Variants in FSTL5 observed in about 807,000 individuals in gnomAD.
The protein encoded by FSTL5 is follistatin like 5.
A neutral mutation model predicts 89.1 loss-of-function variants in FSTL5; 62 were observed. The ratio of observed to expected loss-of-function variants is 0.70; its 90% CI spans 0.57 to 0.86. The LOEUF (loss-of-function observed/expected upper bound fraction) is 0.86, where lower values mean the gene tolerates loss of function less well. Among genes scored for constraint, FSTL5 ranks in the 40% least tolerant of loss-of-function variants. The pLI, the probability that FSTL5 is intolerant of heterozygous loss-of-function variation, is 0.00. For missense variants in FSTL5, 1,057 were observed against 1,001.6 expected (o/e 1.06, Z -0.75); for synonymous variants, 383 against 346.2 (o/e 1.11, Z -1.18).
At chr4:161,638,801 T>C (rs1735831572) in intron 7 of FSTL5, among the ~76,000 whole-genome samples, 1 of 133,232 alleles carries the variant, frequency 7.5e-6, no homozygotes, top group Admixed American at 8.1e-5. Context: ...TTATCCACCA[T>C]GATCAAGTGG....
chr4:161,680,214 T>C (rs1737469257), intron 6 of FSTL5, among the ~76,000 whole-genome samples: 1 of 151,852 alleles, frequency 6.6e-6, no homozygotes, highest in Non-Finnish European at 1.5e-5. Flanking sequence ...TGCTTTTAAA[T>C]TGAAATTATT....
At chr4:161,828,043 C>A (rs1037153597) in intron 4 of FSTL5, among the ~76,000 whole-genome samples, 1 of 152,084 alleles carries the variant, frequency 6.6e-6, no homozygotes, top group Admixed American at 6.5e-5. Flanking sequence ...GGACTTTTCC[C>A]GGTTCCTCTG....
At chr4:162,046,664 T>C (rs1738193879) in intron 2 of FSTL5, among the ~76,000 whole-genome samples, 2 of 152,166 alleles carry the variant, frequency 1.3e-5, no homozygotes, top group African/African-American at 4.8e-5. Flanking sequence ...ATTTTCAGTG[T>C]ATTTTTAGAG....
intron 2 of FSTL5, among the ~76,000 whole-genome samples, chr4:162,091,003 C>T (rs889029543): frequency 2.6e-5 from 4 of 152,128 alleles, no homozygotes; most frequent in African/African-American, 7.2e-5. Context: ...GAGTCACTGC[C>T]TCTGCCTTCT....
intron 2 of FSTL5, among the ~76,000 whole-genome samples, chr4:162,094,474 T>A (rs542343848): frequency 1.3e-5 from 2 of 152,184 alleles, no homozygotes; most frequent in East Asian, 1.9e-4. Flanking sequence ...CAAATTTCCA[T>A]CAATAGTAGA....
chr4:161,470,440 T>C (rs1351100979), intron 13 of FSTL5, among the ~76,000 whole-genome samples: 1 of 152,208 alleles, frequency 6.6e-6, no homozygotes, highest in African/African-American at 2.4e-5. Context: ...CATTCTATTA[T>C]TCTGTATACC....
At chr4:161,620,662 C>G (rs905187193) in intron 7 of FSTL5, among the ~76,000 whole-genome samples, 1 of 151,476 alleles carries the variant, frequency 6.6e-6, no homozygotes, top group Non-Finnish European at 1.5e-5. Flanking sequence ...ATCTCAAAAA[C>G]AAAAACAAAA....
intron 6 of FSTL5, among the ~76,000 whole-genome samples, chr4:161,747,284 A>G (rs1740233389): frequency 6.6e-6 from 1 of 152,164 alleles, no homozygotes; most frequent in African/African-American, 2.4e-5. Flanking sequence ...TACTTACATA[A>G]AATATACCAC....
intron 7 of FSTL5, among the ~76,000 whole-genome samples, chr4:161,592,296 A>G (rs917428429): frequency 1.3e-5 from 2 of 152,014 alleles, no homozygotes; most frequent in Non-Finnish European, 2.9e-5. Context: ...ATTATTATAC[A>G]TTAAGTTCTG....
intron 6 of FSTL5, among the ~76,000 whole-genome samples, chr4:161,747,039 C>A (rs1006173258): frequency 6.6e-5 from 10 of 152,098 alleles, no homozygotes; most frequent in African/African-American, 2.4e-4. Context: ...TTTTCCATTG[C>A]CCCTTGAGAT....
At chr4:161,493,268 A>C (rs956363363) in intron 12 of FSTL5, among the ~76,000 whole-genome samples, 1 of 151,722 alleles carries the variant, frequency 6.6e-6, no homozygotes. Flanking sequence ...AGAATTGTAT[A>C]AGCAAAATTA....
intron 6 of FSTL5, among the ~76,000 whole-genome samples, chr4:161,700,457 A>G (rs1049231001): frequency 6.6e-6 from 1 of 152,132 alleles, no homozygotes; most frequent in Admixed American, 6.5e-5. Context: ...GAATGAGAGT[A>G]TATTTTTTTC....
intron 15 of FSTL5, among the ~76,000 whole-genome samples, chr4:161,410,107 T>G (rs1731537133): frequency 6.6e-6 from 1 of 151,922 alleles, no homozygotes; most frequent in African/African-American, 2.4e-5. Context: ...TAAAACAGAC[T>G]TTAAACCAAT....
intron 5 of FSTL5, among the ~76,000 whole-genome samples, chr4:161,770,439 T>C (rs1001068369): frequency 6.6e-6 from 1 of 151,982 alleles, no homozygotes; most frequent in East Asian, 1.9e-4. Context: ...TGCATCCCTA[T>C]ATCAAAGTGT....
intron 12 of FSTL5, among the ~76,000 whole-genome samples, chr4:161,499,021 A>C (rs1252547493): frequency 6.6e-6 from 1 of 152,044 alleles, no homozygotes; most frequent in Non-Finnish European, 1.5e-5. Context: ...CAACATGGTG[A>C]AACCACCACG....
chr4:161,503,053 C>T (rs1001342482), intron 11 of FSTL5, among the ~76,000 whole-genome samples: 1 of 151,616 alleles, frequency 6.6e-6, no homozygotes, highest in Non-Finnish European at 1.5e-5. Context: ...TCAGACAGAT[C>T]AGAGGCAAAT....
chr4:162,143,454 C>A (rs1732828132), intron 1 of FSTL5, among the ~76,000 whole-genome samples: 2 of 152,052 alleles, frequency 1.3e-5, no homozygotes, highest in Admixed American at 1.3e-4. Flanking sequence ...AGACCAAAAG[C>A]AATCCTTCAT....
chr4:162,118,785 A>T (rs748459251), intron 1 of FSTL5, among the ~76,000 whole-genome samples: 1 of 152,206 alleles, frequency 6.6e-6, no homozygotes, highest in Non-Finnish European at 1.5e-5. Flanking sequence ...TACTAGATAT[A>T]GTAGGGTAGT....
rs555982877 is a variant in FSTL5, at chr4:161,408,817, A to G, written c.1842-22368T>C. The stretch of plus-strand genomic sequence containing the variant: ...ATTAGCAGCGGAAGTTGAGGAAAGA[A>G]TCTCAGAGCGTGAAGACCAGTTTGT... On this transcript the variant is annotated intron_variant, in intron 15 of 15. Coordinates refer to ENST00000306100, the MANE Select transcript of FSTL5 (RefSeq NM_020116.5). Among the ~76,000 whole-genome samples the G allele has an allele frequency of 1.3e-4, 20 of 152,342 alleles. No homozygotes were observed. The South Asian group carries it at 4.1e-3, about 32-fold the overall frequency.
Sources: gnomAD v4.1 joint callset for allele counts (sites outside exome capture counted in the v4.1 genomes callset) on GRCh38, gnomAD v4.1.1 for gene constraint, MANE v1.5 for transcripts, NCBI Gene and HGNC (gene_info 2026-07-23, HGNC 2026-07-21) for gene names.